Variants in SLAMF6 observed in about 807,000 individuals in gnomAD.
SLAMF6 encodes NK-T-B-antigen.
In SLAMF6, 21 loss-of-function variants were observed where a neutral mutation model predicts 38.3. That is an observed-to-expected ratio of 0.55 (90% CI 0.39 to 0.79). SLAMF6 has a LOEUF of 0.79. Ranked by LOEUF, SLAMF6 falls within the 30% of genes least tolerant of loss-of-function variation. SLAMF6 has a pLI of 0.00. For missense variants in SLAMF6, 341 were observed against 385.3 expected (o/e 0.89, Z 0.96); for synonymous variants, 152 against 146.3 (o/e 1.04, Z -0.28).
intron 1 of SLAMF6, among the ~76,000 whole-genome samples, chr1:160,504,225 T>C (rs982275230): frequency 2.0e-5 from 3 of 152,076 alleles, no homozygotes; most frequent in Admixed American, 1.3e-4. Flanking sequence ...ACTTATATTA[T>C]TGTATTGTAT....
chr1:160,523,085 C>A, intron 1 of SLAMF6, 59 bp downstream of exon 1: 1 of 1,581,922 alleles, frequency 6.3e-7, no homozygotes. Context: ...TTAGGTTGAG[C>A]AAGCTGCACA....
At chr1:160,495,352 T>C (rs1303791460) in intron 2 of SLAMF6, among the ~76,000 whole-genome samples, 1 of 152,150 alleles carries the variant, frequency 6.6e-6, no homozygotes, top group Non-Finnish European at 1.5e-5. Flanking sequence ...ATTTTTCTGA[T>C]ATTGACTCAT....
intron 1 of SLAMF6, among the ~76,000 whole-genome samples, chr1:160,499,416 A>G (rs1653764551): frequency 6.6e-6 from 1 of 151,982 alleles, no homozygotes; most frequent in African/African-American, 2.4e-5. Context: ...CCAGTTGTCT[A>G]TGTGTCTGTT....
At chr1:160,519,306 G>GA (rs1280066273) in intron 1 of SLAMF6, among the ~76,000 whole-genome samples, 1 of 151,970 alleles carries the variant, frequency 6.6e-6, no homozygotes. Flanking sequence ...TTTTAAAAAG[G>GA]AAAAAAACAA....
chr1:160,517,520 T>C (rs1053042682), intron 1 of SLAMF6, among the ~76,000 whole-genome samples: 1 of 152,198 alleles, frequency 6.6e-6, no homozygotes, highest in Non-Finnish European at 1.5e-5. Flanking sequence ...CCCAAAGGAA[T>C]ATAAATCGCT....
Position 160,490,605 on chromosome 1 carries a change from G to C in SLAMF6, c.727C>G (p.Leu243Val). The change falls in exon 4 of 8, where the codon CTG (leucine) becomes GTG (valine). Residue 243 changes from leucine to valine, a missense_variant. Transcript: ENST00000368057. ...GICIVFGFIILLLLVLRKRRD... is the reference protein window; with the variant it reads ...GICIVFGFIIVLLLVLRKRRD... Reference sequence around the variant, plus strand: ...CTTTTCCTCAAAACAAGTAACAGCAGTATGATGAAACCGAAGACTATGCAT... The same window carrying C: ...CTTTTCCTCAAAACAAGTAACAGCACTATGATGAAACCGAAGACTATGCAT... The C allele has an allele frequency of 6.2e-7, 1 of 1,613,898 alleles. No homozygotes were observed. The highest frequency in any genetic ancestry group is 1.3e-5 in the African/African-American group (1 of 75,030).
intron 1 of SLAMF6, among the ~76,000 whole-genome samples, chr1:160,497,496 T>C (rs1259697116): frequency 6.6e-6 from 1 of 152,152 alleles, no homozygotes; most frequent in Non-Finnish European, 1.5e-5. Context: ...TCAGGATCTC[T>C]TGCTTCTTTT....
intron 2 of SLAMF6, among the ~76,000 whole-genome samples, chr1:160,495,552 A>G (rs1448538843): frequency 1.3e-5 from 2 of 152,210 alleles, no homozygotes; most frequent in African/African-American, 4.8e-5. Context: ...CTTTCTAGGT[A>G]GACCACTGTT....
intron 1 of SLAMF6, among the ~76,000 whole-genome samples, chr1:160,507,776 G>T (rs754979853): frequency 5.3e-5 from 8 of 152,206 alleles, no homozygotes; most frequent in African/African-American, 9.6e-5. Flanking sequence ...TTAACATAGT[G>T]TAAAATAATC....
At chr1:160,511,910 G>C (rs1571310943) in intron 1 of SLAMF6, among the ~76,000 whole-genome samples, 1 of 152,196 alleles carries the variant, frequency 6.6e-6, no homozygotes, top group Non-Finnish European at 1.5e-5. Flanking sequence ...ATGGGGCAAG[G>C]GGTGCTCCCA....
At chr1:160,493,934 G>C (rs1040746237) in intron 2 of SLAMF6, among the ~76,000 whole-genome samples, 1 of 152,020 alleles carries the variant, frequency 6.6e-6, no homozygotes, top group Non-Finnish European at 1.5e-5. Flanking sequence ...AGAACAGCAT[G>C]GGGGAAACCT....
intron 1 of SLAMF6, among the ~76,000 whole-genome samples, chr1:160,518,739 G>A (rs949722317): frequency 1.3e-5 from 2 of 151,996 alleles, no homozygotes; most frequent in Non-Finnish European, 2.9e-5. Context: ...ACACAAGAAG[G>A]GGAATGACAC....
intron 2 of SLAMF6, among the ~76,000 whole-genome samples, chr1:160,494,871 G>C (rs1396515802): frequency 6.6e-6 from 1 of 152,114 alleles, no homozygotes; most frequent in Non-Finnish European, 1.5e-5. Flanking sequence ...ATGAATTTCT[G>C]TTACGCCACC....
At chr1:160,504,843 G>A (rs1170410731) in intron 1 of SLAMF6, among the ~76,000 whole-genome samples, 1 of 152,170 alleles carries the variant, frequency 6.6e-6, no homozygotes, top group East Asian at 1.9e-4. Flanking sequence ...AATTTGGAAA[G>A]CCACATACAT....
At chr1:160,502,518 C>T (rs1274627701) in intron 1 of SLAMF6, among the ~76,000 whole-genome samples, 1 of 152,010 alleles carries the variant, frequency 6.6e-6, no homozygotes, top group East Asian at 1.9e-4. Flanking sequence ...ATAACCTGGT[C>T]CAGGGAACTC....
chr1:160,500,511 G>A (rs114396623), intron 1 of SLAMF6, among the ~76,000 whole-genome samples: 2,266 of 151,910 alleles, frequency 0.015, 55 homozygotes, highest in African/African-American at 0.052. Flanking sequence ...AGAATTTAAA[G>A]AAGTGTGACC....
chr1:160,490,502 G>C (rs1653227254), intron 4 of SLAMF6, 73 bp downstream of exon 4: 1 of 1,565,168 alleles, frequency 6.4e-7, no homozygotes, highest in Admixed American at 1.9e-5. Context: ...AGAGATCCTT[G>C]GGAATCAGAG....
At chr1:160,514,546 A>T (rs1331262239) in intron 1 of SLAMF6, among the ~76,000 whole-genome samples, 4 of 152,202 alleles carry the variant, frequency 2.6e-5, no homozygotes, top group Non-Finnish European at 5.9e-5. Context: ...CAACAACAGA[A>T]TATTCATTCT....
At chr1:160,514,504 C>T (rs1184982628) in intron 1 of SLAMF6, among the ~76,000 whole-genome samples, 1 of 152,138 alleles carries the variant, frequency 6.6e-6, no homozygotes, top group African/African-American at 2.4e-5. Flanking sequence ...ATCAAGTGGA[C>T]CTGATAGACC....
Sources: allele counts gnomAD v4.1 joint callset (sites outside exome capture counted in the v4.1 genomes callset), GRCh38; gene constraint gnomAD v4.1.1; transcripts MANE v1.5; gene names NCBI Gene and HGNC (gene_info 2026-07-23, HGNC 2026-07-21).